The following PELI2 variants were observed in gnomAD, a reference collection of about 807,000 sequenced individuals.
The protein encoded by PELI2 is pellino E3 ubiquitin protein ligase family member 2.
Under a neutral mutation model 42.3 loss-of-function variants are expected in PELI2, and 23 were observed. The ratio of observed to expected loss-of-function variants is 0.54; its 90% CI spans 0.39 to 0.77. PELI2 has a LOEUF of 0.77. PELI2 is among the 30% of genes least tolerant of loss of function. PELI2 has a pLI of 0.00. For missense variants in PELI2, 463 were observed against 553.2 expected, an observed-to-expected ratio of 0.84 and a Z score of 1.64; for synonymous variants, 245 against 212.2, an observed-to-expected ratio of 1.15 and a Z score of -1.34.
intron 2 of PELI2, among the ~76,000 whole-genome samples, chr14:56,248,906 T>C (rs1027531651): frequency 2.6e-5 from 4 of 152,178 alleles, no homozygotes; most frequent in Non-Finnish European, 5.9e-5. Flanking sequence ...ATCATGTTTC[T>C]TCTTAGGAAG....
rs756776431 is a variant in PELI2, at chr14:56,118,754, C to G, written c.77+17C>G. ...GGTGCTCGGGTGAGTCCTGGGGTCC[C>G]TGGTCCCGGGCAGCGGCGCGGGCGG... On this transcript the variant is annotated intron_variant, in intron 1 of 5. Transcript: ENST00000267460. 2.7e-6 allele frequency: 4 copies of G among 1,472,678 alleles called. No homozygotes were observed. The South Asian group carries it at 5.2e-5, about 19-fold the overall frequency. The allele number at this position is 1,472,678 out of a possible 1,614,324, so 91.2% of individuals were successfully genotyped here.
At chr14:56,295,647 T>C (rs1371933301) in intron 5 of PELI2, among the ~76,000 whole-genome samples, 1 of 152,250 alleles carries the variant, frequency 6.6e-6, no homozygotes, top group African/African-American at 2.4e-5. Context: ...CATTTACTTA[T>C]CTAACACAAC....
chr14:56,241,225 A>G (rs1312102785), intron 2 of PELI2, among the ~76,000 whole-genome samples: 4 of 152,210 alleles, frequency 2.6e-5, no homozygotes, highest in Non-Finnish European at 4.4e-5. Flanking sequence ...TAGGCCTGCA[A>G]GAAAGAACTC....
Position 56,296,641 on chromosome 14 carries a change from T to A in PELI2, c.738T>A (p.Ile246=), listed in dbSNP as rs200859545. 1 of 1,613,184 alleles carries A rather than the reference T, an allele frequency of 6.2e-7. No individual in the cohort carries two copies. The highest frequency in any genetic ancestry group is 2.2e-5 in the East Asian group (1 of 44,834). ...ETNVLQDGSL[I]DLCGATLLWR... ...ACGTCCTGCAGGACGGCTCCCTCAT[T>A]GACCTGTGTGGGGCCACTCTCCTCT... The change falls in exon 6 of 6, where the codon ATT becomes ATA. Residue 246 remains isoleucine, a synonymous_variant. Coordinates refer to ENST00000267460, the MANE Select transcript of PELI2 (RefSeq NM_021255.3).
chr14:56,130,060 G>T (rs1414281624), intron 1 of PELI2, among the ~76,000 whole-genome samples: 1 of 150,170 alleles, frequency 6.7e-6, no homozygotes, highest in Admixed American at 6.6e-5. Context: ...CGAGATCTGA[G>T]TTTTTTTTTT....
At position 56,180,426 on chromosome 14, in the gene PELI2, G is replaced by C. The variant is rs548521841; in HGVS notation, c.207+1962G>C. 1.3e-5 allele frequency among the ~76,000 whole-genome samples: 2 copies of C among 152,268 alleles called. No individual in the cohort carries two copies. The highest frequency in any genetic ancestry group is 6.5e-5 in the Admixed American group (1 of 15,306). ...CAGGTTTTGAGAGAGAGGAGAACTG[G>C]AGTATCAACAACAGTGCACATGGAT... On this transcript the variant is annotated intron_variant, in intron 2 of 5. Transcript: ENST00000267460. The surrounding 1 kb of genome is among the most constrained non-coding windows in gnomAD (Gnocchi z 4.4).
chr14:56,237,863 A>G (rs982288549), intron 2 of PELI2, among the ~76,000 whole-genome samples: 2 of 151,496 alleles, frequency 1.3e-5, no homozygotes, highest in Non-Finnish European at 2.9e-5. Context: ...CTAATAGTCA[A>G]TCAGTTCTTA....
intron 1 of PELI2, among the ~76,000 whole-genome samples, chr14:56,142,387 T>G (rs1333592474): frequency 6.6e-6 from 1 of 152,056 alleles, no homozygotes; most frequent in Non-Finnish European, 1.5e-5. Context: ...AGTTGCTAAA[T>G]TGTCAGAGTT....
chr14:56,170,041 G>A (rs1014953126), intron 1 of PELI2, among the ~76,000 whole-genome samples: 1 of 152,206 alleles, frequency 6.6e-6, no homozygotes, highest in Non-Finnish European at 1.5e-5. Flanking sequence ...TTTTCTCAGA[G>A]ACTGTGTGCC....
intron 2 of PELI2, among the ~76,000 whole-genome samples, chr14:56,239,449 A>T (rs1887901775): frequency 6.6e-6 from 1 of 152,204 alleles, no homozygotes; most frequent in Non-Finnish European, 1.5e-5. Context: ...CTGATTTTTT[A>T]GAGTAAGTAG....
rs1184899903 is a variant in PELI2 at position 56,219,577 on chromosome 14, C to T, written c.207+41113C>T. 1.3e-5 allele frequency among the ~76,000 whole-genome samples: 2 copies of T among 152,298 alleles called. No homozygotes were observed. Among genetic ancestry groups the T allele is most frequent in the East Asian group, 1.9e-4 (1 of 5,176 alleles). ...TCCACAAGGAAGTCAAAGAAAGGGTCTCTGAGCTGCCACACACTCATAAGA... is the reference window on the plus strand; with the variant it reads ...TCCACAAGGAAGTCAAAGAAAGGGTTTCTGAGCTGCCACACACTCATAAGA... On this transcript the variant is annotated intron_variant, in intron 2 of 5. Transcript: ENST00000267460. The surrounding 1 kb of genome is among the most constrained non-coding windows in gnomAD (Gnocchi z 4.1).
At chr14:56,178,157 G>A (rs1885450481) in intron 1 of PELI2, among the ~76,000 whole-genome samples, 178 bp from the exon 2 acceptor site, 2 of 152,230 alleles carry the variant, frequency 1.3e-5, no homozygotes, top group South Asian at 4.1e-4. Flanking sequence ...GTTCCTAGAA[G>A]TGATTTGAAT....
chr14:56,246,432 T>G (rs577631030), intron 2 of PELI2, among the ~76,000 whole-genome samples: 21 of 152,316 alleles, frequency 1.4e-4, no homozygotes, highest in Admixed American at 3.9e-4. Context: ...CCCTAAGACA[T>G]CACTTCCAGG....
chr14:56,262,166 A>G (rs1667024213), intron 2 of PELI2, among the ~76,000 whole-genome samples: 1 of 152,218 alleles, frequency 6.6e-6, no homozygotes, highest in African/African-American at 2.4e-5. Flanking sequence ...CCTAAGGCAA[A>G]TCTGTCCTTT....
intron 2 of PELI2, among the ~76,000 whole-genome samples, chr14:56,179,932 A>G (rs1029954357): frequency 1.3e-5 from 2 of 152,172 alleles, no homozygotes; most frequent in Admixed American, 1.3e-4. Context: ...AAATGTATAG[A>G]AATATTGCTT....
At chr14:56,250,789 C>T (rs1888317977) in intron 2 of PELI2, among the ~76,000 whole-genome samples, 1 of 152,078 alleles carries the variant, frequency 6.6e-6, no homozygotes, top group Non-Finnish European at 1.5e-5. Context: ...CCTTTGGCGA[C>T]ACCCTCACAG....
intron 2 of PELI2, among the ~76,000 whole-genome samples, chr14:56,193,003 A>G (rs1219017729): frequency 6.6e-6 from 1 of 152,244 alleles, no homozygotes; most frequent in Non-Finnish European, 1.5e-5. Flanking sequence ...AGTGTGGCAA[A>G]GTGAATGCAT....
chr14:56,144,805 T>G (rs1327452317), intron 1 of PELI2: 1 of 168,304 alleles, frequency 5.9e-6, no homozygotes, highest in African/African-American at 2.4e-5. Context: ...GTTGGGCCTC[T>G]TGCCCTGTAA....
intron 2 of PELI2, among the ~76,000 whole-genome samples, chr14:56,203,729 C>A (rs1180231577): frequency 1.3e-5 from 2 of 152,088 alleles, no homozygotes. Context: ...GATCTCAGTC[C>A]TCATCTTGGT....
Sources: allele counts gnomAD v4.1 joint callset (sites outside exome capture counted in the v4.1 genomes callset), GRCh38; gene constraint gnomAD v4.1.1; non-coding constraint Gnocchi (gnomAD v3.1); transcripts MANE v1.5; gene names NCBI Gene and HGNC (gene_info 2026-07-23, HGNC 2026-07-21).